The following CTDP1 variants were observed in gnomAD, a reference collection of about 807,000 sequenced individuals.
CTDP1 encodes CTD phosphatase 1.
CTDP1 carries 47 observed loss-of-function variants against 91.8 expected under a neutral mutation model. The observed-to-expected ratio is 0.51, with a 90% CI of 0.41 to 0.65. The LOEUF (loss-of-function observed/expected upper bound fraction) is 0.65, where lower values mean the gene tolerates loss of function less well. Among genes scored for constraint, CTDP1 ranks in the 30% least tolerant of loss-of-function variants. The pLI is 0.00. For synonymous variants in CTDP1, 656 were observed against 598.5 expected (o/e 1.10, Z -1.40); for missense variants, 1,272 against 1,373.7 (o/e 0.93, Z 1.17).
At chr18:79,732,825 T>C (rs886105691) in intron 11 of CTDP1, among the ~76,000 whole-genome samples, 1 of 150,428 alleles carries the variant, frequency 6.6e-6, no homozygotes, top group African/African-American at 2.5e-5. Context: ...AATCATGAGA[T>C]GTAAGAACTC....
At chr18:79,684,417 G>A (rs2085441259) in intron 1 of CTDP1, among the ~76,000 whole-genome samples, 1 of 152,220 alleles carries the variant, frequency 6.6e-6, no homozygotes, top group Non-Finnish European at 1.5e-5. Context: ...AGAGGTAATG[G>A]AACCTGTGGC....
chr18:79,702,355 A>G (rs1369472282), intron 4 of CTDP1, among the ~76,000 whole-genome samples: 3 of 152,154 alleles, frequency 2.0e-5, no homozygotes, highest in African/African-American at 4.8e-5. Flanking sequence ...TTTTTTAATC[A>G]TAAAATTATT....
At chr18:79,707,967 C>G (rs112527188) in intron 5 of CTDP1, among the ~76,000 whole-genome samples, 1 of 152,212 alleles carries the variant, frequency 6.6e-6, no homozygotes, top group African/African-American at 2.4e-5. Flanking sequence ...GCTAATAATT[C>G]TATTAACAGA....
chr18:79,697,997 A>G lies in CTDP1; in HGVS notation c.621+9A>G, dbSNP rs754826401. Reference sequence around the variant, plus strand: ...AGCAGATGTCGAATAAAGTGAGTGCAGTCAGCATCTACGGACAGTTTCCCA... The same window carrying G: ...AGCAGATGTCGAATAAAGTGAGTGCGGTCAGCATCTACGGACAGTTTCCCA... On this transcript the variant is annotated intron_variant, in intron 4 of 12. Coordinates refer to ENST00000613122, the MANE Select transcript of CTDP1 (RefSeq NM_004715.5). 2 of 1,614,222 alleles carry G rather than the reference A, an allele frequency of 1.2e-6. No individual in the cohort carries two copies. Among genetic ancestry groups the G allele is most frequent in the South Asian group, 1.1e-5 (1 of 91,090 alleles).
At chr18:79,694,477 C>T (rs2085703697) in intron 1 of CTDP1, among the ~76,000 whole-genome samples, 1 of 130,106 alleles carries the variant, frequency 7.7e-6, no homozygotes, top group Non-Finnish European at 1.7e-5. Flanking sequence ...GCGCTGAGTG[C>T]TGGGCGGTCT....
chr18:79,704,953 A>G (rs775433641), intron 5 of CTDP1, 36 bp downstream of exon 5: 5 of 1,611,130 alleles, frequency 3.1e-6, no homozygotes, highest in Non-Finnish European at 2.5e-6. Context: ...CCGTGTGAAC[A>G]GTGGGTTTCT....
chr18:79,704,640 G>A (rs954915530), intron 4 of CTDP1, 127 bp from the exon 5 acceptor site: 23 of 1,292,484 alleles, frequency 1.8e-5, no homozygotes, highest in Admixed American at 5.2e-5. Context: ...GGGCACACGC[G>A]TGTCTTCAGA....
chr18:79,720,895 A>G lies in CTDP1; in HGVS notation c.2417+2879A>G, dbSNP rs556265258. On this transcript the variant is annotated intron_variant, in intron 10 of 12. Transcript: ENST00000613122. ...TGGCCACAGTGTTGGGGGTCCCCAC[A>G]CACAGACTTGTGCAGTTTTGATAAT... is the stretch of plus-strand genomic sequence containing the variant. Among the ~76,000 whole-genome samples the G allele has an allele frequency of 6.6e-5, 10 of 152,214 alleles. No homozygotes were observed. The South Asian group carries it at 2.1e-3, about 32-fold the overall frequency.
intron 10 of CTDP1, among the ~76,000 whole-genome samples, chr18:79,725,521 CTA>C (rs929951953): frequency 1.3e-5 from 2 of 150,768 alleles, no homozygotes; most frequent in African/African-American, 4.9e-5. Context: ...CTTACCTTCT[CTA>C]TTTTTTTTTT....
intron 1 of CTDP1, among the ~76,000 whole-genome samples, chr18:79,680,656 T>C (rs1040888226): frequency 1.3e-5 from 2 of 152,174 alleles, no homozygotes; most frequent in African/African-American, 4.8e-5. Context: ...AACTGTTGGG[T>C]GTGTGCACAT....
intron 1 of CTDP1, among the ~76,000 whole-genome samples, chr18:79,687,893 G>A (rs1025881905): frequency 1.1e-4 from 17 of 152,204 alleles, no homozygotes; most frequent in African/African-American, 3.9e-4. Context: ...TGGTGCACGT[G>A]GTGCCACGTG....
Position 79,713,152 on chromosome 18 carries a change from T to A in CTDP1, c.1030+14T>A. 1 of 1,612,816 alleles carries A rather than the reference T, an allele frequency of 6.2e-7. No individual in the cohort carries two copies. Among genetic ancestry groups the A allele is most frequent in the Non-Finnish European group, 8.5e-7 (1 of 1,179,120 alleles). ...CGAGAAAGAAAGGTGGGTAACCTCC[T>A]TCCTGATTCTCTAGAAGAATTCACA... is the stretch of plus-strand genomic sequence containing the variant. On this transcript the variant is annotated intron_variant, in intron 7 of 12. Transcript: ENST00000613122. The surrounding 1 kb of genome is among the most constrained non-coding windows in gnomAD (Gnocchi z 4.7).
chr18:79,730,280 G>A (rs2086539114), intron 11 of CTDP1, among the ~76,000 whole-genome samples: 1 of 152,210 alleles, frequency 6.6e-6, no homozygotes, highest in Non-Finnish European at 1.5e-5. Flanking sequence ...AGAAGGTTCT[G>A]TATAAGGAAC....
intron 12 of CTDP1, among the ~76,000 whole-genome samples, chr18:79,753,333 T>C (rs1306572098): frequency 6.6e-6 from 1 of 152,272 alleles, no homozygotes; most frequent in Non-Finnish European, 1.5e-5. Context: ...TTCCCTGTCC[T>C]GTTTTCCTGT....
At chr18:79,706,459 G>A (rs751655035) in intron 5 of CTDP1, among the ~76,000 whole-genome samples, 3 of 152,224 alleles carry the variant, frequency 2.0e-5, no homozygotes, top group African/African-American at 2.4e-5. Flanking sequence ...ACAACTGAGC[G>A]GGGCATCACT....
Position 79,714,591 on chromosome 18 carries a change from G to A in CTDP1, c.1131G>A (p.Leu377=). Residue 377 remains leucine (L), a synonymous_variant, in exon 8 of 13, where the codon CTG becomes CTA. Transcript: ENST00000613122. ...CTGGAGTGGAGCCCAGCAATGGCCT[G>A]GAGAAGCCTGCACGGGAGCTGAACG... ...QAPGVEPSNG[L]EKPARELNGS... The A allele has an allele frequency of 6.2e-7, 1 of 1,613,084 alleles. No individual in the cohort carries two copies. Among genetic ancestry groups the A allele is most frequent in the Non-Finnish European group, 8.5e-7 (1 of 1,180,038 alleles).
chr18:79,736,075 G>C (rs2086661106), intron 11 of CTDP1: 1 of 518,914 alleles, frequency 1.9e-6, no homozygotes, highest in Non-Finnish European at 3.5e-6. Context: ...AGTGCACCAG[G>C]AATAAAGTCC....
Position 79,717,531 on chromosome 18 carries a change from G to GCA in CTDP1, c.2069-3_2069-2dup. The GCA allele has an allele frequency of 6.2e-7, 1 of 1,612,710 alleles. No individual in the cohort carries two copies. Among genetic ancestry groups the GCA allele is most frequent in the Non-Finnish European group, 8.5e-7 (1 of 1,179,858 alleles). On this transcript the variant is annotated splice_region_variant and splice_polypyrimidine_tract_variant and intron_variant, in intron 8 of 12. Transcript: ENST00000613122. ...ACAGCCTGACGCAGCCGGGTCTCCTGCAGGCACAGAGAAGGTGCTGCAGGC... is the reference window on the plus strand; with the variant it reads ...ACAGCCTGACGCAGCCGGGTCTCCTGCACAGGCACAGAGAAGGTGCTGCAGGC...
chr18:79,754,004 A>T lies in CTDP1; in HGVS notation c.*214A>T. ...TCTACTTTTGTAAGTGACAGGTGTT[A>T]AAGGCCCAGGTGTGCTGTGCCAAAG... is the stretch of plus-strand genomic sequence containing the variant. On this transcript the variant is annotated 3_prime_UTR_variant, in exon 13 of 13. Coordinates refer to ENST00000613122, the MANE Select transcript of CTDP1 (RefSeq NM_004715.5). 1.5e-6 allele frequency: 1 copy of T among 684,884 alleles called. No individual in the cohort carries two copies. 42.4% of individuals were successfully genotyped at this position (684,884 alleles called of 1,614,324 possible).
Sources: allele counts gnomAD v4.1 joint callset (sites outside exome capture counted in the v4.1 genomes callset), GRCh38; gene constraint gnomAD v4.1.1; non-coding constraint Gnocchi (gnomAD v3.1); transcripts MANE v1.5; gene names NCBI Gene and HGNC (gene_info 2026-07-23, HGNC 2026-07-21).